The following ZNF521 variants were observed in gnomAD, a reference collection of about 807,000 sequenced individuals.
ZNF521 encodes LYST-interacting protein 3.
In ZNF521, 14 loss-of-function variants were observed where a neutral mutation model predicts 105.5. The ratio of observed to expected loss-of-function variants is 0.13; its 90% CI spans 0.09 to 0.21. The LOEUF (loss-of-function observed/expected upper bound fraction) is 0.21. Ranked by LOEUF, ZNF521 falls within the 10% of genes least tolerant of loss-of-function variation. The pLI is 1.00. For synonymous variants in ZNF521, 635 were observed against 606.0 expected (o/e 1.05, Z -0.70); for missense variants, 1,233 against 1,629.7 (o/e 0.76, Z 4.19).
At chr18:25,260,635 T>G (rs989733323) in intron 3 of ZNF521, among the ~76,000 whole-genome samples, 3 of 152,182 alleles carry the variant, frequency 2.0e-5, no homozygotes, top group Non-Finnish European at 4.4e-5. Flanking sequence ...TACGGTATTA[T>G]CCATAAAACT....
intron 5 of ZNF521, among the ~76,000 whole-genome samples, chr18:25,167,007 C>A (rs1483957639): frequency 6.6e-6 from 1 of 152,088 alleles, no homozygotes; most frequent in Non-Finnish European, 1.5e-5. Flanking sequence ...TTATATATTT[C>A]TCATCACTGC....
At chr18:25,251,102 A>G (rs1306179205) in intron 3 of ZNF521, among the ~76,000 whole-genome samples, 1 of 152,210 alleles carries the variant, frequency 6.6e-6, no homozygotes, top group Non-Finnish European at 1.5e-5. Context: ...CCTGTTCTCA[A>G]AACTACAGAT....
intron 5 of ZNF521, among the ~76,000 whole-genome samples, chr18:25,185,739 A>T (rs992256658): frequency 6.6e-6 from 1 of 152,198 alleles, no homozygotes; most frequent in Admixed American, 6.5e-5. Flanking sequence ...TGTAAAAAAA[A>T]TAAATAAATA....
At chr18:25,155,149 C>T (rs997541538) in intron 5 of ZNF521, among the ~76,000 whole-genome samples, 2 of 152,072 alleles carry the variant, frequency 1.3e-5, no homozygotes, top group African/African-American at 4.8e-5. Context: ...ATGTTGAGCA[C>T]TCTTTCTTGT....
intron 5 of ZNF521, among the ~76,000 whole-genome samples, chr18:25,194,680 A>G (rs2035873875): frequency 1.3e-5 from 2 of 151,684 alleles, no homozygotes; most frequent in Admixed American, 1.3e-4. Flanking sequence ...GGCTGTTGAA[A>G]CCATACATAT....
intron 3 of ZNF521, among the ~76,000 whole-genome samples, chr18:25,241,326 C>T (rs529211998): frequency 2.6e-5 from 4 of 152,286 alleles, no homozygotes; most frequent in African/African-American, 2.4e-5. Flanking sequence ...GTATTTGAAT[C>T]GAACCACTGT....
intron 3 of ZNF521, among the ~76,000 whole-genome samples, chr18:25,240,841 A>G (rs1907271640): frequency 6.6e-6 from 1 of 151,958 alleles, no homozygotes; most frequent in Non-Finnish European, 1.5e-5. Flanking sequence ...CAGATTCCAC[A>G]AAACAAATCT....
intron 7 of ZNF521, 68 bp from the exon 8 acceptor site, chr18:25,062,809 C>T (rs2032942671): frequency 2.3e-6 from 3 of 1,327,876 alleles, no homozygotes; most frequent in Non-Finnish European, 3.0e-6. Flanking sequence ...AAACAAACTT[C>T]AGTGATTTCA....
In ZNF521 at chr18:25,226,500, G is replaced by A; in HGVS notation, c.1418C>T (p.Pro473Leu). Residue 473 changes from proline (P) to leucine (L), a missense_variant, in exon 4 of 8, where the codon CCT becomes CTT. Coordinates refer to ENST00000361524, the MANE Select transcript of ZNF521 (RefSeq NM_015461.3). This position sits in a 1 kb window ranked among gnomAD's most constrained non-coding sequence, Gnocchi z 4.1. ...QDPGLIVSAMPAIVYQCNFCS... is the reference protein window; with the variant it reads ...QDPGLIVSAMLAIVYQCNFCS... ...GAAGTTACACTGGTAGACAATGGCA[G>A]GCATGGCAGAAACAATCAGACCTGG... is the stretch of plus-strand genomic sequence containing the variant. The A allele has an allele frequency of 1.9e-6, 3 of 1,614,152 alleles. 1 individual carries two copies. Among genetic ancestry groups the A allele is most frequent in the South Asian group, 1.1e-5 (1 of 91,084 alleles).
intron 5 of ZNF521, among the ~76,000 whole-genome samples, chr18:25,175,255 T>C (rs929213067): frequency 1.3e-5 from 2 of 152,202 alleles, no homozygotes; most frequent in African/African-American, 2.4e-5. Context: ...TGGTTAGACC[T>C]TTCCTCCTCA....
In ZNF521 at chr18:25,227,299, A is replaced by G. The variant is rs759429811; in HGVS notation, c.619T>C (p.Cys207Arg). 1 of 1,614,178 alleles carries G rather than the reference A, an allele frequency of 6.2e-7. No homozygotes were observed. Among genetic ancestry groups the G allele is most frequent in the African/African-American group, 1.3e-5 (1 of 75,066 alleles). Residue 207 changes from cysteine (C) to arginine (R), a missense_variant, in exon 4 of 8, where the codon TGT (cysteine) becomes CGT (arginine). Transcript: ENST00000361524. The surrounding 1 kb of genome is among the most constrained non-coding windows in gnomAD (Gnocchi z 5.7). ...CTAGAGGACAGAAACCCACGGCGAC[A>G]AATGGCACATTTATATGGCTTGTTG... ...TSNKPYKCAI[C>R]RRGFLSSSSL... is the part of the protein sequence containing the mutation.
intron 7 of ZNF521, among the ~76,000 whole-genome samples, chr18:25,082,401 G>T (rs979234616): frequency 6.6e-6 from 1 of 152,118 alleles, no homozygotes; most frequent in African/African-American, 2.4e-5. Flanking sequence ...CCTCCAAACT[G>T]ATCAGTATAG....
At chr18:25,139,091 C>T (rs988276795) in intron 5 of ZNF521, among the ~76,000 whole-genome samples, 1 of 152,098 alleles carries the variant, frequency 6.6e-6, no homozygotes, top group South Asian at 2.1e-4. Context: ...CAAAAAGACG[C>T]TGGGCACGGT....
At chr18:25,258,601 C>A (rs1282851093) in intron 3 of ZNF521, among the ~76,000 whole-genome samples, 1 of 152,108 alleles carries the variant, frequency 6.6e-6, no homozygotes, top group Non-Finnish European at 1.5e-5. Flanking sequence ...GTAACTGAAA[C>A]AATACTGGAA....
intron 5 of ZNF521, among the ~76,000 whole-genome samples, chr18:25,126,103 C>A (rs2034534322): frequency 6.6e-6 from 1 of 151,964 alleles, no homozygotes; most frequent in Non-Finnish European, 1.5e-5. Flanking sequence ...AATGAATAAC[C>A]TTGAAAACTT....
intron 3 of ZNF521, among the ~76,000 whole-genome samples, chr18:25,268,575 G>A (rs549966113): frequency 2.1e-4 from 32 of 152,320 alleles, no homozygotes; most frequent in Admixed American, 7.8e-4. Context: ...GACTAACAGC[G>A]GATCTCTTGG....
At chr18:25,064,611 A>G (rs942385864) in intron 7 of ZNF521, among the ~76,000 whole-genome samples, 1 of 152,198 alleles carries the variant, frequency 6.6e-6, no homozygotes, top group Non-Finnish European at 1.5e-5. Context: ...GAGTATTTTA[A>G]GCAGAGGGAT....
chr18:25,176,344 T>C (rs2035534535), intron 5 of ZNF521, among the ~76,000 whole-genome samples: 1 of 152,222 alleles, frequency 6.6e-6, no homozygotes, highest in Non-Finnish European at 1.5e-5. Flanking sequence ...CTAATTAAGA[T>C]GTATCTGGTG....
chr18:25,195,072 C>G (rs2035880550), intron 5 of ZNF521, 88 bp downstream of exon 5: 1 of 1,040,068 alleles, frequency 9.6e-7, no homozygotes, highest in Non-Finnish European at 1.4e-6. Flanking sequence ...GATGGTTGAA[C>G]AATTAATTCA....
Sources: gnomAD v4.1 joint callset for allele counts (sites outside exome capture counted in the v4.1 genomes callset) on GRCh38, gnomAD v4.1.1 for gene constraint, Gnocchi (gnomAD v3.1) non-coding constraint, MANE v1.5 for transcripts, NCBI Gene and HGNC (gene_info 2026-07-23, HGNC 2026-07-21) for gene names.